ARPC2: variants seen among roughly 807,000 people sequenced by gnomAD.
ARPC2 encodes actin related protein 2/3 complex subunit 2, also known as actin-related protein 2/3 complex subunit 2.
Under a neutral mutation model 38.6 loss-of-function variants are expected in ARPC2, and 4 were observed. That is an observed-to-expected ratio of 0.10 (90% CI 0.05 to 0.24). ARPC2 has a LOEUF of 0.24. Among genes scored for constraint, ARPC2 ranks in the 10% least tolerant of loss-of-function variants. ARPC2 has a pLI of 1.00. For synonymous variants in ARPC2, 125 were observed against 140.8 expected (o/e 0.89, Z 0.79); for missense variants, 229 against 387.3 (o/e 0.59, Z 3.43).
At chr2:218,249,637 C>A in intron 9 of ARPC2, 173 bp downstream of exon 9, 1 of 736,988 alleles carries the variant, frequency 1.4e-6, no homozygotes, top group Non-Finnish European at 2.2e-6. Flanking sequence ...GTCCCCCATC[C>A]CTCCCTATAG....
chr2:218,253,194 C>T (rs1690234868), intron 10 of ARPC2, among the ~76,000 whole-genome samples: 1 of 152,180 alleles, frequency 6.6e-6, no homozygotes, highest in Non-Finnish European at 1.5e-5. Flanking sequence ...AAATCTAGAG[C>T]CCATGTTTTT....
chr2:218,235,736 G>A (rs1413889820), intron 5 of ARPC2: 3 of 152,162 alleles, frequency 2.0e-5, no homozygotes, highest in African/African-American at 7.2e-5. Context: ...CTAAATCATA[G>A]ACATTGCCAG....
chr2:218,217,381 G>T (rs1029960852), intron 1 of ARPC2, 82 bp from the exon 2 acceptor site: 3 of 1,296,618 alleles, frequency 2.3e-6, no homozygotes, highest in Non-Finnish European at 3.3e-6. Flanking sequence ...GCCCCACTCA[G>T]GGGGCAGCAG....
At chr2:218,250,298 G>T (rs1455804152) in intron 10 of ARPC2, among the ~76,000 whole-genome samples, 2 of 152,160 alleles carry the variant, frequency 1.3e-5, no homozygotes, top group Non-Finnish European at 2.9e-5. Flanking sequence ...CCCACTAAGT[G>T]TTCTTTTTCC....
At position 218,253,981 on chromosome 2, in the gene ARPC2, T is replaced by C. The variant is rs1198565391; in HGVS notation, c.*66T>C. ...TGGAACACTTGCTACTGGATAATCG[T>C]AGCTTTTAATGTTGCGCCTCTTCAG... On this transcript the variant is annotated 3_prime_UTR_variant, in exon 11 of 11. Coordinates refer to ENST00000315717, the MANE Select transcript of ARPC2 (RefSeq NM_152862.3). 1 of 1,598,702 alleles carries C rather than the reference T, an allele frequency of 6.3e-7. No individual in the cohort carries two copies. Among genetic ancestry groups the C allele is most frequent in the Non-Finnish European group, 8.6e-7 (1 of 1,166,946 alleles).
intron 3 of ARPC2, among the ~76,000 whole-genome samples, chr2:218,226,347 G>A (rs1404619339): frequency 6.6e-6 from 1 of 150,724 alleles, no homozygotes; most frequent in African/African-American, 2.4e-5. Flanking sequence ...GCTTTGACAT[G>A]GATTGGGTGC....
intron 7 of ARPC2, 49 bp downstream of exon 7, chr2:218,239,533 T>G: frequency 2.1e-6 from 3 of 1,412,540 alleles, no homozygotes; most frequent in Non-Finnish European, 3.0e-6. Flanking sequence ...GACTTATACC[T>G]TTGCACCCAA....
At chr2:218,234,581 G>A in intron 5 of ARPC2, 184 bp downstream of exon 5, 1 of 586,320 alleles carries the variant, frequency 1.7e-6, no homozygotes, top group East Asian at 2.9e-5. Flanking sequence ...GTCCAATATG[G>A]AACACAGTAG....
chr2:218,250,129 G>A (rs1690150886), intron 10 of ARPC2, among the ~76,000 whole-genome samples: 1 of 152,198 alleles, frequency 6.6e-6, no homozygotes, highest in African/African-American at 2.4e-5. Flanking sequence ...ATCTTTGTGA[G>A]CTATGAGAAT....
In ARPC2 at chr2:218,253,903, T is replaced by A. The variant is rs769777853; in HGVS notation, c.891T>A (p.Phe297Leu). The change falls in exon 11 of 11, where the codon TTT becomes TTA. Residue 297 changes from phenylalanine to leucine, a missense_variant. Physicochemically the swap from Phe to Leu is conservative, Grantham distance 22 (BLOSUM62 0). Around this residue, in one of 3 missense-constraint regions of ARPC2, gnomAD observed 92 missense variants for 152.3 expected, o/e 0.60. Transcript: ENST00000315717. ...KEMKTITGKT[F>L]SSR is the part of the protein sequence containing the mutation. ...TCTCCTTTTGAAGGGGGAAGACGTT[T>A]TCATCCCGCTAATCTTGGGAATAAG... is the stretch of plus-strand genomic sequence containing the variant. The A allele has an allele frequency of 3.1e-6, 5 of 1,613,908 alleles. No homozygotes were observed. The highest frequency in any genetic ancestry group is 1.7e-5 in the Admixed American group (1 of 59,956).
Position 218,234,407 on chromosome 2 carries a change from CAT to C in ARPC2, c.268+11_268+12del. ...GTAAATCCAGAATCAGGTATGTAGTCATGTGAGCAACTATGGAATGACATGGG... is the reference window on the plus strand; with the variant it reads ...GTAAATCCAGAATCAGGTATGTAGTCGTGAGCAACTATGGAATGACATGGG... On this transcript the variant is annotated intron_variant, in intron 5 of 10. Transcript: ENST00000315717. The C allele has an allele frequency of 2.5e-6, 4 of 1,590,538 alleles. No individual in the cohort carries two copies. The highest frequency in any genetic ancestry group is 2.6e-6 in the Non-Finnish European group (3 of 1,161,766).
At chr2:218,217,565 G>C (rs765426514) in intron 2 of ARPC2, 21 bp downstream of exon 2, 10 of 1,597,932 alleles carry the variant, frequency 6.3e-6, no homozygotes, top group Middle Eastern at 1.7e-4. Context: ...GCCCGGGGCC[G>C]GGGGTGGCGG....
chr2:218,253,518 G>A (rs1036535533), intron 10 of ARPC2, among the ~76,000 whole-genome samples: 7 of 152,248 alleles, frequency 4.6e-5, no homozygotes, highest in African/African-American at 1.4e-4. Context: ...CACTGTGTAG[G>A]AGGAGCTGAC....
At chr2:218,219,548 C>G (rs1689337656) in intron 2 of ARPC2, among the ~76,000 whole-genome samples, 3 of 152,104 alleles carry the variant, frequency 2.0e-5, no homozygotes. Flanking sequence ...TGGGGTTTCA[C>G]CATGTTGGCC....
intron 10 of ARPC2, among the ~76,000 whole-genome samples, chr2:218,250,265 T>A (rs1298368298): frequency 6.6e-6 from 1 of 152,136 alleles, no homozygotes; most frequent in Non-Finnish European, 1.5e-5. Flanking sequence ...GACCTTTAAT[T>A]GGGTAAATAG....
At chr2:218,247,343 C>G (rs1297696072) in intron 8 of ARPC2, among the ~76,000 whole-genome samples, 1 of 152,238 alleles carries the variant, frequency 6.6e-6, no homozygotes, top group Non-Finnish European at 1.5e-5. Context: ...TAAGCTTGTT[C>G]ACACTGCACC....
intron 2 of ARPC2, among the ~76,000 whole-genome samples, chr2:218,221,233 G>T (rs1005470407): frequency 1.3e-5 from 2 of 152,102 alleles, no homozygotes; most frequent in African/African-American, 2.4e-5. Flanking sequence ...GTGGTTCCAT[G>T]GGGGGGAGTG....
intron 2 of ARPC2, among the ~76,000 whole-genome samples, chr2:218,219,168 C>A (rs1410512290): frequency 6.6e-6 from 1 of 152,164 alleles, no homozygotes; most frequent in Non-Finnish European, 1.5e-5. Flanking sequence ...AGAGGCATGT[C>A]TTTTAACATA....
At chr2:218,239,198 T>C (rs1258784354) in intron 6 of ARPC2, 193 bp from the exon 7 acceptor site, 1 of 589,118 alleles carries the variant, frequency 1.7e-6, no homozygotes, top group African/African-American at 1.9e-5. Flanking sequence ...ATAATTTCCA[T>C]CTGCTGCCTC....
Sources: allele counts gnomAD v4.1 joint callset (sites outside exome capture counted in the v4.1 genomes callset), GRCh38; gene constraint gnomAD v4.1.1; regional missense constraint gnomAD v4.1.1; transcripts MANE v1.5; gene names NCBI Gene and HGNC (gene_info 2026-07-23, HGNC 2026-07-21).